Variants in NAPRT observed in about 807,000 individuals in gnomAD.
NAPRT encodes the protein nicotinate phosphoribosyltransferase.
A neutral mutation model predicts 60.7 loss-of-function variants in NAPRT; 66 were observed. The observed-to-expected ratio is 1.09, with a 90% CI of 0.89 to 1.33. The LOEUF (loss-of-function observed/expected upper bound fraction) is 1.33, where lower values mean the gene tolerates loss of function less well. NAPRT is among the 40% of genes most tolerant of loss of function. The probability of loss-of-function intolerance (pLI) is 0.00; values close to 1 mark genes in which losing one functional copy is unlikely to be tolerated. For missense variants in NAPRT, 818 were observed against 731.5 expected (o/e 1.12, Z -1.36); for synonymous variants, 405 against 335.7 (o/e 1.21, Z -2.26).
chr8:143,574,679 C>T (rs2130686700), downstream of NAPRT: 3 of 843,232 alleles, frequency 3.6e-6, no homozygotes, highest in Non-Finnish European at 5.8e-6. Flanking sequence ...GGATGCAAAT[C>T]TTCCTGCTAC....
Position 143,574,981 on chromosome 8 carries a change from C to A in NAPRT, c.1554+5G>T. 6.5e-7 allele frequency: 1 copy of A among 1,543,960 alleles called. No individual in the cohort carries two copies. Among genetic ancestry groups the A allele is most frequent in the South Asian group, 1.2e-5 (1 of 83,088 alleles). On this transcript the variant is annotated splice_donor_5th_base_variant and intron_variant, in intron 12 of 12. Coordinates refer to ENST00000449291, the MANE Select transcript of NAPRT (RefSeq NM_145201.6). ...GCAGAATGACAGGGTGGGCCTCCCC[C>A]CAACCTGGTACTGTGCAGGGCTCCG...
At chr8:143,572,995 C>T, downstream of NAPRT, 1 of 455,190 alleles carries the variant, frequency 2.2e-6, no homozygotes, top group Non-Finnish European at 3.9e-6. Context: ...GCTGGCAGAT[C>T]CACGAAGAAA....
intron 3 of NAPRT, 118 bp from the exon 4 acceptor site, chr8:143,577,517 C>A: frequency 6.9e-7 from 1 of 1,457,026 alleles, no homozygotes; most frequent in Non-Finnish European, 9.2e-7. Context: ...CCAGCCCCTC[C>A]TTACACCCTG....
chr8:143,577,562 T>TG, intron 3 of NAPRT, 95 bp downstream of exon 3: 1 of 1,486,116 alleles, frequency 6.7e-7, no homozygotes, highest in African/African-American at 1.4e-5. Context: ...CTGGGACCCC[T>TG]GGGCAGCCAG....
rs1306949790 is a variant in NAPRT, at chr8:143,578,183, GGAA to G, written c.133_135del (p.Phe45del). On this transcript the variant is annotated inframe_deletion, in exon 1 of 13. Transcript: ENST00000449291. ...AAGGCGCCGCCGAACGGGCAGCGGC[GGAA>G]GAAGAGCTCGAACTCGGCGGCGTCC... The G allele has an allele frequency of 1.8e-5, 27 of 1,515,484 alleles. No homozygotes were observed. The highest frequency in any genetic ancestry group is 1.3e-4 in the East Asian group (5 of 38,058). 93.9% of individuals were successfully genotyped at this position (1,515,484 alleles called of 1,614,324 possible).
chr8:143,577,743 C>T lies in NAPRT; in HGVS notation c.355-4G>A. ...CGGACACCTGCAGGAGCGGCACCTG[C>T]GGGGAGAGAAGTCAGCTCCGCGCTC... On this transcript the variant is annotated splice_region_variant and splice_polypyrimidine_tract_variant and intron_variant, in intron 2 of 12. Transcript: ENST00000449291. 2 of 1,552,806 alleles carry T rather than the reference C, an allele frequency of 1.3e-6. No individual in the cohort carries two copies. Among genetic ancestry groups the T allele is most frequent in the Non-Finnish European group, 1.7e-6 (2 of 1,151,388 alleles).
Position 143,575,970 on chromosome 8 carries a change from G to C in NAPRT, c.1107+108C>G. On this transcript the variant is annotated intron_variant, in intron 8 of 12. Coordinates refer to ENST00000449291, the MANE Select transcript of NAPRT (RefSeq NM_145201.6). ...GGCAGTGCCCTGGGTGGGGAAGGGG[G>C]TGGCAGTGCCCTGGGCGGGGAAGGA... 6.5e-6 allele frequency: 6 copies of C among 918,548 alleles called. No individual in the cohort carries two copies. The South Asian group carries it at 1.1e-4, about 16-fold the overall frequency. 56.9% of individuals were successfully genotyped at this position (918,548 alleles called of 1,614,324 possible).
chr8:143,576,578 G>A lies in NAPRT; in HGVS notation c.882-6C>T, dbSNP rs1441889530. ...GGAAGTTGGGGAGACCACTCCTGCA[G>A]AAATAGATAAGGGAGTCAGAGGCTG... On this transcript the variant is annotated splice_region_variant and splice_polypyrimidine_tract_variant and intron_variant, in intron 6 of 12. Transcript: ENST00000449291. The A allele has an allele frequency of 3.1e-6, 5 of 1,610,310 alleles. No homozygotes were observed. Among genetic ancestry groups the A allele is most frequent in the Non-Finnish European group, 3.4e-6 (4 of 1,178,736 alleles).
rs762362757 is a variant in NAPRT at position 143,575,398 on chromosome 8, A to G, written c.1291+25T>C. The G allele has an allele frequency of 4.2e-5, 67 of 1,594,198 alleles. No homozygotes were observed. The Admixed American group carries it at 4.4e-4, about 10-fold the overall frequency. The stretch of plus-strand genomic sequence containing the variant: ...GGGCCCTGGTGCTTTGAAGGTGGAC[A>G]GCAGGGGGGATGGGAGGGCCTCACC... On this transcript the variant is annotated intron_variant, in intron 10 of 12. Coordinates refer to ENST00000449291, the MANE Select transcript of NAPRT (RefSeq NM_145201.6).
rs142172599 is a variant in NAPRT, at chr8:143,575,082, C to T, written c.1458G>A (p.Pro486=). 1.2e-3 allele frequency: 1,772 copies of T among 1,512,962 alleles called. 12 individuals carry two copies. The highest frequency in any genetic ancestry group is 9.4e-3 in the Admixed American group (449 of 48,004). 93.7% of individuals were successfully genotyped at this position (1,512,962 alleles called of 1,614,324 possible). A position where few individuals can be genotyped will look rare whatever the true frequency, so the allele number is the denominator to read the frequency against. The part of the protein sequence containing the change: ...LCLQQGQLCE[P]LPSLAESRAL... Reference sequence around the variant, plus strand: ...CTCTAGACTCTGCCAGGGATGGGAGCGGCTCACACAGCTGCAGGGAGGAGG... The same window carrying T: ...CTCTAGACTCTGCCAGGGATGGGAGTGGCTCACACAGCTGCAGGGAGGAGG... The change falls in exon 12 of 13, where the codon CCG becomes CCA. Residue 486 remains proline (P), a synonymous_variant. Transcript: ENST00000449291.
In NAPRT at chr8:143,577,656, C is replaced by G; in HGVS notation, c.437+1G>C. 1 of 1,537,570 alleles carries G rather than the reference C, an allele frequency of 6.5e-7. No homozygotes were observed. The highest frequency in any genetic ancestry group is 8.7e-7 in the Non-Finnish European group (1 of 1,146,610). ...CTCCCTGCCAGTGGCCCGCAGCCCA[C>G]CTGGCGTAGCTGACCAGGCAGAGCA... is the stretch of plus-strand genomic sequence containing the variant. On this transcript the variant is annotated splice_donor_variant, in intron 3 of 12. Transcript: ENST00000449291. LOFTEE classifies it high-confidence loss of function.
In NAPRT at chr8:143,577,722, C is replaced by T; in HGVS notation, c.372G>A (p.Val124=). ...LAFPGVPLLQ[V]SGPLLVVQLL... ...GCTGCACCACCAGGAGCGGCCCGGA[C>T]ACCTGCAGGAGCGGCACCTGCGGGG... The change falls in exon 3 of 13, where the codon GTG becomes GTA. Residue 124 remains valine, a synonymous_variant. Coordinates refer to ENST00000449291, the MANE Select transcript of NAPRT (RefSeq NM_145201.6). 3.2e-6 allele frequency: 5 copies of T among 1,548,190 alleles called. No homozygotes were observed. The highest frequency in any genetic ancestry group is 4.4e-6 in the Non-Finnish European group (5 of 1,149,398).
rs1563930116 is a variant in NAPRT, at chr8:143,575,508, G to GC, written c.1205dup (p.Gln403ProfsTer28). On this transcript the variant is annotated frameshift_variant, in exon 10 of 13. Transcript: ENST00000449291. LOFTEE classifies it high-confidence loss of function. ...CCTCGGTCAGCTTCATTCGTGGCTG[G>GC]CCCCCCACGGCCACCAGCTGCAGGA... is the stretch of plus-strand genomic sequence containing the variant. 6 of 1,598,408 alleles carry GC rather than the reference G, an allele frequency of 3.8e-6. No homozygotes were observed. Among genetic ancestry groups the GC allele is most frequent in the South Asian group, 1.1e-5 (1 of 90,820 alleles).
chr8:143,572,995 C>A, downstream of NAPRT: 2 of 455,190 alleles, frequency 4.4e-6, no homozygotes, highest in Non-Finnish European at 7.8e-6. Context: ...GCTGGCAGAT[C>A]CACGAAGAAA....
intron 3 of NAPRT, 127 bp downstream of exon 3, chr8:143,577,530 G>T: frequency 6.9e-7 from 1 of 1,448,186 alleles, no homozygotes; most frequent in South Asian, 1.3e-5. Context: ...ACACCCTGAA[G>T]AGTGGGGGCG....
At position 143,574,981 on chromosome 8, in the gene NAPRT, C is replaced by G. The variant is rs1194227528; in HGVS notation, c.1554+5G>C. On this transcript the variant is annotated splice_donor_5th_base_variant and intron_variant, in intron 12 of 12. Transcript: ENST00000449291. ...GCAGAATGACAGGGTGGGCCTCCCC[C>G]CAACCTGGTACTGTGCAGGGCTCCG... The G allele has an allele frequency of 5.8e-6, 9 of 1,543,842 alleles. No homozygotes were observed. In the East Asian group the frequency reaches 7.3e-5, roughly 13 times the overall value.
At position 143,576,143 on chromosome 8, in the gene NAPRT, C is replaced by T. The variant is rs2130693162; in HGVS notation, c.1042G>A (p.Glu348Lys). 1 of 1,602,340 alleles carries T rather than the reference C, an allele frequency of 6.2e-7. No homozygotes were observed. The highest frequency in any genetic ancestry group is 8.5e-7 in the Non-Finnish European group (1 of 1,172,600). ...AAAQFQVPWL[E>K]SVLIVVSNNI... ...TTGCTGACTACGATGAGGACTGACTCCAGCCAGGGCACCTGGAACCTGCCG... is the reference window on the plus strand; with the variant it reads ...TTGCTGACTACGATGAGGACTGACTTCAGCCAGGGCACCTGGAACCTGCCG... The change falls in exon 8 of 13, where the codon GAG (glutamate) becomes AAG (lysine). Residue 348 changes from glutamate to lysine, a missense_variant. Physicochemically the swap from Glu to Lys is moderately conservative, Grantham distance 56. Coordinates refer to ENST00000449291, the MANE Select transcript of NAPRT (RefSeq NM_145201.6).
intron 3 of NAPRT, 57 bp downstream of exon 3, chr8:143,577,600 C>A (rs1209988636): frequency 5.9e-6 from 9 of 1,526,754 alleles, no homozygotes; most frequent in African/African-American, 2.7e-5. Flanking sequence ...AGCACGGAGC[C>A]CCGGCGCTGG....
chr8:143,576,130 A>T lies in NAPRT; in HGVS notation c.1055T>A (p.Ile352Asn), dbSNP rs373926829. The change falls in exon 8 of 13, where the codon ATC becomes AAC. Residue 352 changes from isoleucine to asparagine, a missense_variant. Coordinates refer to ENST00000449291, the MANE Select transcript of NAPRT (RefSeq NM_145201.6). ...CTCGTCAATGTTGTTGCTGACTACG[A>T]TGAGGACTGACTCCAGCCAGGGCAC... ...FQVPWLESVL[I>N]VVSNNIDEEA... 6.2e-7 allele frequency: 1 copy of T among 1,606,696 alleles called. No individual in the cohort carries two copies. The highest frequency in any genetic ancestry group is 8.5e-7 in the Non-Finnish European group (1 of 1,175,678).
Sources: gnomAD v4.1 joint callset for allele counts on GRCh38, gnomAD v4.1.1 for gene constraint, MANE v1.5 for transcripts, NCBI Gene and HGNC (gene_info 2026-07-23, HGNC 2026-07-21) for gene names.